CD5: variants seen among roughly 807,000 people sequenced by gnomAD.
CD5 encodes CD5 molecule, also known as T-cell surface glycoprotein CD5.
A neutral mutation model predicts 60.3 loss-of-function variants in CD5; 36 were observed. The observed-to-expected ratio is 0.60, with a 90% CI of 0.46 to 0.79. CD5 has a LOEUF of 0.79. Ranked by LOEUF, CD5 falls within the 30% of genes least tolerant of loss-of-function variation. CD5 has a pLI of 0.00. For synonymous variants in CD5, 230 were observed against 257.6 expected, an observed-to-expected ratio of 0.89 and a Z score of 1.03; for missense variants, 540 against 630.6, an observed-to-expected ratio of 0.86 and a Z score of 1.54.
At position 61,119,214 on chromosome 11, in the gene CD5, C is replaced by T. The variant is rs780751636; in HGVS notation, c.464-20C>T. On this transcript the variant is annotated intron_variant, in intron 4 of 10. Transcript: ENST00000347785. The stretch of plus-strand genomic sequence containing the variant: ...CTCGGCGCTCAGGGTGGCTCCCCCT[C>T]CTGCTCTCTCCTCTCCTAGCTCCTC... 16 of 1,562,174 alleles carry T rather than the reference C, an allele frequency of 1.0e-5. No homozygotes were observed. Among genetic ancestry groups the T allele is most frequent in the South Asian group, 7.3e-5 (6 of 82,710 alleles).
chr11:61,126,767 C>T lies in CD5; in HGVS notation c.*482C>T, dbSNP rs1338437645. 1 of 152,302 alleles carries T rather than the reference C, an allele frequency of 6.6e-6. No homozygotes were observed. Among genetic ancestry groups the T allele is most frequent in the Non-Finnish European group, 1.5e-5 (1 of 68,080 alleles). 9.4% of individuals were successfully genotyped at this position (152,302 alleles called of 1,614,324 possible). ...GCAGCATCCACCCCTGCGGATCCCT[C>T]TGGGGAGGACAGGAAGGGGACTCCC... is the stretch of plus-strand genomic sequence containing the variant. On this transcript the variant is annotated 3_prime_UTR_variant, in exon 11 of 11. Coordinates refer to ENST00000347785, the MANE Select transcript of CD5 (RefSeq NM_014207.4).
At chr11:61,108,927 C>T (rs940979842) in intron 1 of CD5, among the ~76,000 whole-genome samples, 19 of 152,328 alleles carry the variant, frequency 1.2e-4, no homozygotes, top group African/African-American at 4.3e-4. Context: ...TATCATCGGT[C>T]ATTATCACAG....
rs554869005 is a variant in CD5 at position 61,117,494 on chromosome 11, A to AT, written c.95-669dup. Among the ~76,000 whole-genome samples, 378 of 147,814 alleles carry AT rather than the reference A, an allele frequency of 2.6e-3. 4 individuals carry two copies. Among genetic ancestry groups the AT allele is most frequent in the South Asian group, 0.025 (116 of 4,664 alleles). ...CTGTATGTAAAATTACCTCAATAAA[A>AT]TTTTTTTTTTTTGAGATGGAATCTT... is the stretch of plus-strand genomic sequence containing the variant. On this transcript the variant is annotated intron_variant, in intron 2 of 10. Transcript: ENST00000347785.
In CD5 at chr11:61,119,536, C is replaced by T; in HGVS notation, c.766C>T (p.Pro256Ser). ...GGAGCATTGCTTCAGGAAAATCAAG[C>T]CCCAGAAAAGTGGCCGAGTTCTTGC... Reference protein sequence around the residue: ...SLEHCFRKIKPQKSGRVLALL... With the variant: ...SLEHCFRKIKSQKSGRVLALL... Residue 256 changes from proline to serine, a missense_variant, in exon 5 of 11, where the codon CCC (proline) becomes TCC (serine). Physicochemically the swap from Pro to Ser is moderately conservative, Grantham distance 74. Coordinates refer to ENST00000347785, the MANE Select transcript of CD5 (RefSeq NM_014207.4). The T allele has an allele frequency of 1.2e-6, 2 of 1,613,444 alleles. No individual in the cohort carries two copies. The highest frequency in any genetic ancestry group is 1.7e-6 in the Non-Finnish European group (2 of 1,179,858).
chr11:61,104,914 A>C (rs566614635), intron 1 of CD5, among the ~76,000 whole-genome samples: 1 of 152,342 alleles, frequency 6.6e-6, no homozygotes, highest in East Asian at 1.9e-4. Flanking sequence ...AGGGAAGGCC[A>C]CCAAAGGCAC....
intron 2 of CD5, 65 bp downstream of exon 2, chr11:61,115,159 G>A: frequency 6.9e-7 from 1 of 1,441,026 alleles, no homozygotes; most frequent in East Asian, 2.5e-5. Context: ...GTTTCATCAG[G>A]CCATCGGGGA....
upstream of CD5, among the ~76,000 whole-genome samples, chr11:61,098,786 C>T (rs1355492544): frequency 6.6e-6 from 1 of 152,182 alleles, no homozygotes; most frequent in African/African-American, 2.4e-5. Flanking sequence ...TGAATAAACC[C>T]CTTCTTTCTT....
intron 8 of CD5, among the ~76,000 whole-genome samples, chr11:61,124,539 C>T (rs1456910553): frequency 1.3e-5 from 2 of 152,106 alleles, no homozygotes; most frequent in African/African-American, 2.4e-5. Context: ...CTTCCAGCCA[C>T]AGTCAGAGAC....
At position 61,125,165 on chromosome 11, in the gene CD5, G is replaced by A; in HGVS notation, c.1399+14G>A. On this transcript the variant is annotated intron_variant, in intron 9 of 10. Transcript: ENST00000347785. ...CAGCTTATCCAGGTAAGCACCAGCG[G>A]GTGCTCCCAGGCACGCAGGCAGGGC... 6.2e-7 allele frequency: 1 copy of A among 1,613,780 alleles called. No homozygotes were observed. The highest frequency in any genetic ancestry group is 8.5e-7 in the Non-Finnish European group (1 of 1,179,788).
rs1218002509 is a variant in CD5 at position 61,118,593 on chromosome 11, C to A, written c.400+113C>A. ...CAGGCTGGTGGAAGGGGTGGGGGGA[C>A]CCCAGTTTATAACCACTCCCCAAGA... On this transcript the variant is annotated intron_variant, in intron 3 of 10. Coordinates refer to ENST00000347785, the MANE Select transcript of CD5 (RefSeq NM_014207.4). This position sits in a 1 kb window ranked among gnomAD's most constrained non-coding sequence, Gnocchi z 4.7. 7.2e-6 allele frequency: 8 copies of A among 1,105,974 alleles called. No individual in the cohort carries two copies. The Admixed American group carries it at 1.6e-4, about 22-fold the overall frequency. 68.5% of individuals were successfully genotyped at this position (1,105,974 alleles called of 1,614,324 possible).
chr11:61,114,853 A>G (rs1292696332), intron 1 of CD5, among the ~76,000 whole-genome samples: 1 of 152,154 alleles, frequency 6.6e-6, no homozygotes, highest in Non-Finnish European at 1.5e-5. Context: ...GAAGAAAAAA[A>G]ATCGATAGTT....
intron 6 of CD5, 130 bp from the exon 7 acceptor site, chr11:61,122,777 C>G: frequency 1.0e-6 from 1 of 995,918 alleles, no homozygotes; most frequent in Non-Finnish European, 1.5e-6. Context: ...AGATCATTGC[C>G]TTCCGTGCAT....
rs374323896 is a variant in CD5, at chr11:61,118,509, C to G, written c.400+29C>G. 5 of 1,600,726 alleles carry G rather than the reference C, an allele frequency of 3.1e-6. 1 individual carries two copies. On this transcript the variant is annotated intron_variant, in intron 3 of 10. Transcript: ENST00000347785. This position sits in a 1 kb window ranked among gnomAD's most constrained non-coding sequence, Gnocchi z 4.7. ...GGTAACTAGCCAGCCACACGGGCACCCTGGGCCTGGGCGCCAGCCCCGAGG... is the reference window on the plus strand; with the variant it reads ...GGTAACTAGCCAGCCACACGGGCACGCTGGGCCTGGGCGCCAGCCCCGAGG...
chr11:61,113,403 C>G (rs977508819), intron 1 of CD5, among the ~76,000 whole-genome samples: 1 of 152,230 alleles, frequency 6.6e-6, no homozygotes, highest in East Asian at 1.9e-4. Context: ...TGAGACCAGG[C>G]TACAAGGAGG....
chr11:61,115,251 A>G (rs1012177730), intron 2 of CD5, among the ~76,000 whole-genome samples, 157 bp downstream of exon 2: 3 of 152,296 alleles, frequency 2.0e-5, no homozygotes, highest in South Asian at 2.1e-4. Context: ...ACAGGCACAT[A>G]GATGCAGACA....
chr11:61,109,286 TG>T (rs1860817497), intron 1 of CD5, among the ~76,000 whole-genome samples: 1 of 152,198 alleles, frequency 6.6e-6, no homozygotes, highest in Admixed American at 6.5e-5. Context: ...TCCCCCTTAG[TG>T]TGAAACTGCA....
the CD5 span, among the ~76,000 whole-genome samples, chr11:61,094,619 T>C: frequency 3.3e-5 from 5 of 152,274 alleles, no homozygotes; most frequent in East Asian, 7.7e-4. Flanking sequence ...GTTTTGATTC[T>C]GGCTTGGCGT....
At chr11:61,104,821 C>T (rs111646067) in intron 1 of CD5, among the ~76,000 whole-genome samples, 4,192 of 152,342 alleles carry the variant, frequency 0.028, 128 homozygotes, top group African/African-American at 0.075. Flanking sequence ...CGAGTGCAAA[C>T]CCAGGGTGCA....
At chr11:61,100,832 ACAT>A (rs1232485538), upstream of CD5, among the ~76,000 whole-genome samples, 3 of 142,470 alleles carry the variant, frequency 2.1e-5, no homozygotes, top group Non-Finnish European at 4.6e-5. Context: ...GATTACACAC[ACAT>A]CAACATGGAG....
Sources: allele counts gnomAD v4.1 joint callset (sites outside exome capture counted in the v4.1 genomes callset), GRCh38; gene constraint gnomAD v4.1.1; non-coding constraint Gnocchi (gnomAD v3.1); transcripts MANE v1.5; gene names NCBI Gene and HGNC (gene_info 2026-07-23, HGNC 2026-07-21).